Variants in ZCWPW2 observed in about 807,000 individuals in gnomAD.
The protein encoded by ZCWPW2 is zinc finger CW-type and PWWP domain containing 2, also known as zinc finger CW-type PWWP domain protein 2.
A neutral mutation model predicts 46.6 loss-of-function variants in ZCWPW2; 45 were observed. That is an observed-to-expected ratio of 0.96 (90% confidence interval 0.76 to 1.24). The LOEUF (loss-of-function observed/expected upper bound fraction) is 1.24. Among genes scored for constraint, ZCWPW2 ranks in the 50% most tolerant of loss-of-function variants. The probability of loss-of-function intolerance (pLI) is 0.00; values close to 1 mark genes in which losing one functional copy is unlikely to be tolerated. For missense variants in ZCWPW2, 429 were observed against 403.9 expected (o/e 1.06, Z -0.53); for synonymous variants, 152 against 137.1 (o/e 1.11, Z -0.76).
intron 4 of ZCWPW2, among the ~76,000 whole-genome samples, chr3:28,436,968 C>T (rs1697525282): frequency 6.6e-6 from 1 of 152,316 alleles, no homozygotes; most frequent in South Asian, 2.1e-4. Flanking sequence ...CCAATTTACA[C>T]TCTATTGTCT....
chr3:28,498,294 G>A (rs1700051379), intron 6 of ZCWPW2, among the ~76,000 whole-genome samples: 1 of 150,864 alleles, frequency 6.6e-6, no homozygotes, highest in South Asian at 2.1e-4. Context: ...AGTGTACTGT[G>A]GTGGAAGAAT....
Position 28,355,201 on chromosome 3 carries a change from C to T in ZCWPW2, c.-134+5998C>T, listed in dbSNP as rs574300766. Among the ~76,000 whole-genome samples, 12 of 152,326 alleles carry T rather than the reference C, an allele frequency of 7.9e-5. No homozygotes were observed. In the East Asian group the frequency reaches 1.7e-3, roughly 22 times the overall value. On this transcript the variant is annotated intron_variant, in intron 1 of 9. Transcript: ENST00000383768. Reference sequence around the variant, plus strand: ...TGCAAAAATCACAAGCATTCTTATACACCAATAACAGACAAACAGTCAAAT... The same window carrying T: ...TGCAAAAATCACAAGCATTCTTATATACCAATAACAGACAAACAGTCAAAT...
At chr3:28,429,779 G>T (rs972614688) in intron 3 of ZCWPW2, among the ~76,000 whole-genome samples, 1 of 152,164 alleles carries the variant, frequency 6.6e-6, no homozygotes, top group African/African-American at 2.4e-5. Context: ...ATGGCTAAAA[G>T]GGGTCAAATG....
intron 6 of ZCWPW2, among the ~76,000 whole-genome samples, chr3:28,513,020 C>T (rs1178447380): frequency 6.6e-6 from 1 of 152,134 alleles, no homozygotes; most frequent in Non-Finnish European, 1.5e-5. Context: ...AGAAGCAAAA[C>T]ATTTCCAGAA....
intron 4 of ZCWPW2, among the ~76,000 whole-genome samples, chr3:28,474,620 T>TGTGTGTGTGTGTGTGTGCGC (rs777191108): frequency 8.2e-6 from 1 of 121,630 alleles, no homozygotes; most frequent in Non-Finnish European, 1.9e-5. Flanking sequence ...TGTGTGTGTG[T>TGTGTGTGTGTGTGTGTGCGC]GCGCGCGCGC....
chr3:28,504,908 C>A (rs1700236894), intron 6 of ZCWPW2, among the ~76,000 whole-genome samples: 1 of 152,132 alleles, frequency 6.6e-6, no homozygotes, highest in African/African-American at 2.4e-5. Flanking sequence ...TAAGTGAAAT[C>A]TGTTCTATTA....
intron 2 of ZCWPW2, among the ~76,000 whole-genome samples, chr3:28,396,652 C>T (rs1352433077): frequency 6.6e-6 from 1 of 152,108 alleles, no homozygotes; most frequent in Non-Finnish European, 1.5e-5. Flanking sequence ...TCTGTGATAG[C>T]CTGCAGCTAA....
At chr3:28,493,226 G>A (rs1309995779) in intron 6 of ZCWPW2, among the ~76,000 whole-genome samples, 1 of 135,126 alleles carries the variant, frequency 7.4e-6, no homozygotes, top group African/African-American at 2.8e-5. Context: ...GTATACATGT[G>A]CCATGCTGGT....
intron 1 of ZCWPW2, among the ~76,000 whole-genome samples, chr3:28,350,004 A>G (rs1176818586): frequency 1.3e-5 from 2 of 152,226 alleles, no homozygotes; most frequent in Admixed American, 6.5e-5. Context: ...GTTTTATGAC[A>G]TTTCTAAAAA....
intron 3 of ZCWPW2, among the ~76,000 whole-genome samples, chr3:28,414,228 T>C (rs1008811790): frequency 2.0e-5 from 3 of 151,852 alleles, no homozygotes; most frequent in Admixed American, 6.6e-5. Flanking sequence ...TTTTTTCTTT[T>C]TTTTCTGAAG....
intron 4 of ZCWPW2, among the ~76,000 whole-genome samples, chr3:28,473,444 C>T (rs1699113254): frequency 6.6e-6 from 1 of 151,604 alleles, no homozygotes; most frequent in Non-Finnish European, 1.5e-5. Context: ...CACTGCACTC[C>T]AGCTTGGGTG....
At chr3:28,478,968 G>A in intron 5 of ZCWPW2, 37 bp downstream of exon 5, 1 of 1,341,382 alleles carries the variant, frequency 7.5e-7, no homozygotes. Context: ...TCTGAAATAA[G>A]GATTTATTCA....
chr3:28,480,599 T>C (rs1699392830), intron 5 of ZCWPW2, among the ~76,000 whole-genome samples: 1 of 152,198 alleles, frequency 6.6e-6, no homozygotes, highest in Non-Finnish European at 1.5e-5. Context: ...ATCACATTTG[T>C]CAATTTTTGC....
At chr3:28,443,647 G>A (rs757566281) in intron 4 of ZCWPW2, among the ~76,000 whole-genome samples, 32 of 152,156 alleles carry the variant, frequency 2.1e-4, no homozygotes, top group Admixed American at 1.6e-3. Context: ...TGCCCACCTT[G>A]CCTTTAATGG....
chr3:28,373,689 T>C (rs1159740852), intron 1 of ZCWPW2, among the ~76,000 whole-genome samples: 1 of 152,124 alleles, frequency 6.6e-6, no homozygotes, highest in African/African-American at 2.4e-5. Context: ...TTGGCCAGGC[T>C]GGTCTTGAAC....
At chr3:28,478,987 T>G in intron 5 of ZCWPW2, 56 bp downstream of exon 5, 2 of 1,139,634 alleles carry the variant, frequency 1.8e-6, no homozygotes, top group Non-Finnish European at 2.5e-6. Context: ...CAAATGCATG[T>G]TTTCCAAAAT....
chr3:28,417,764 C>T (rs1696664756), intron 3 of ZCWPW2, among the ~76,000 whole-genome samples: 2 of 84,418 alleles, frequency 2.4e-5, no homozygotes, highest in South Asian at 4.9e-4. Flanking sequence ...AAGACAGAAA[C>T]CACATGATTA....
At chr3:28,442,390 A>T (rs1336158209) in intron 4 of ZCWPW2, among the ~76,000 whole-genome samples, 2 of 152,234 alleles carry the variant, frequency 1.3e-5, no homozygotes, top group East Asian at 1.9e-4. Context: ...TGTCTCACCA[A>T]TAAGTCCAGT....
rs529273724 is a variant in ZCWPW2 at position 28,413,608 on chromosome 3, A to G, written c.332+208A>G. Among the ~76,000 whole-genome samples, 40 of 152,198 alleles carry G rather than the reference A, an allele frequency of 2.6e-4. No homozygotes were observed. The highest frequency in any genetic ancestry group is 8.9e-4 in the African/African-American group (37 of 41,546). The stretch of plus-strand genomic sequence containing the variant: ...ATTCGAATCTTATTTTCCTCCCAAT[A>G]TAGGCAATTAAAGCTATAAATTTTT... On this transcript the variant is annotated intron_variant, in intron 3 of 9. Transcript: ENST00000383768.
Sources: gnomAD v4.1 joint callset for allele counts (sites outside exome capture counted in the v4.1 genomes callset) on GRCh38, gnomAD v4.1.1 for gene constraint, MANE v1.5 for transcripts, NCBI Gene and HGNC (gene_info 2026-07-23, HGNC 2026-07-21) for gene names.